Variants in CRY1 observed in about 807,000 individuals in gnomAD.
The protein encoded by CRY1 is cryptochrome-1.
Under a neutral mutation model 76.0 loss-of-function variants are expected in CRY1, and 45 were observed. The ratio of observed to expected loss-of-function variants is 0.59; its 90% CI spans 0.47 to 0.76. The LOEUF (loss-of-function observed/expected upper bound fraction) is 0.76. Among genes scored for constraint, CRY1 ranks in the 30% least tolerant of loss-of-function variants. The probability of loss-of-function intolerance (pLI) is 0.00; values close to 1 mark genes in which losing one functional copy is unlikely to be tolerated. For missense variants in CRY1, 587 were observed against 716.4 expected, an observed-to-expected ratio of 0.82 and a Z score of 2.06; for synonymous variants, 248 against 244.0, an observed-to-expected ratio of 1.02 and a Z score of -0.15.
chr12:107,054,319 T>C (rs1389317862), intron 1 of CRY1, among the ~76,000 whole-genome samples: 1 of 151,956 alleles, frequency 6.6e-6, no homozygotes, highest in Non-Finnish European at 1.5e-5. Context: ...TGGTAATTTC[T>C]AGAGTAAACA....
At chr12:107,078,025 G>A (rs899841696) in intron 1 of CRY1, among the ~76,000 whole-genome samples, 18 of 152,152 alleles carry the variant, frequency 1.2e-4, no homozygotes, top group African/African-American at 4.3e-4. Context: ...GTAATTCATT[G>A]ATTAAGGAAG....
chr12:107,051,683 C>T (rs920223702), intron 1 of CRY1, among the ~76,000 whole-genome samples: 1 of 152,090 alleles, frequency 6.6e-6, no homozygotes, highest in Non-Finnish European at 1.5e-5. Flanking sequence ...CACTTTGTGA[C>T]AGCAGCATAA....
Position 106,999,624 on chromosome 12 carries a change from T to C in CRY1, c.1064A>G (p.His355Arg), listed in dbSNP as rs1360797329. 10 of 1,614,252 alleles carry C rather than the reference T, an allele frequency of 6.2e-6. No individual in the cohort carries two copies. Among genetic ancestry groups the C allele is most frequent in the Non-Finnish European group, 8.5e-6 (10 of 1,180,048 alleles). Residue 355 changes from histidine (H) to arginine (R), a missense_variant, in exon 7 of 13, where the codon CAT (histidine) becomes CGT (arginine). By Grantham distance (29) the His-to-Arg change is conservative (BLOSUM62 0). Transcript: ENST00000008527. Reference sequence around the variant, plus strand: ...GCAAGCAACTGCATGCCTGGCTAGATGATGAATCCAACCCTCCTGACGAAG... The same window carrying C: ...GCAAGCAACTGCATGCCTGGCTAGACGATGAATCCAACCCTCCTGACGAAG... ...TQLRQEGWIH[H>R]LARHAVACFL...
intron 1 of CRY1, among the ~76,000 whole-genome samples, chr12:107,080,254 G>A (rs1352283514): frequency 6.6e-6 from 1 of 152,050 alleles, no homozygotes; most frequent in East Asian, 1.9e-4. Flanking sequence ...TTGTTTTTGT[G>A]CAATAGAGAA....
chr12:106,994,654 C>T (rs1952213813), intron 10 of CRY1, among the ~76,000 whole-genome samples: 2 of 152,224 alleles, frequency 1.3e-5, no homozygotes, highest in South Asian at 4.1e-4. Context: ...ATTTAACCTG[C>T]TACTATGATT....
In CRY1 at chr12:107,036,585, GTT is replaced by G. The variant is rs61321189; in HGVS notation, c.159-14395_159-14394del. Among the ~76,000 whole-genome samples, 47 of 139,030 alleles carry G rather than the reference GTT, an allele frequency of 3.4e-4. 1 individual carries two copies. The highest frequency in any genetic ancestry group is 3.7e-3 in the Middle Eastern group (1 of 268). The allele number at this position is 139,030 out of a possible 152,430, so 91.2% of individuals were successfully genotyped here. On this transcript the variant is annotated intron_variant, in intron 1 of 12. Coordinates refer to ENST00000008527, the MANE Select transcript of CRY1 (RefSeq NM_004075.5). ...CTTCCCAGTCCATTTAAAGTTGGTG[GTT>G]TTTTTTTTTTTTTAAGTCCTTAAAA... is the stretch of plus-strand genomic sequence containing the variant.
intron 1 of CRY1, among the ~76,000 whole-genome samples, chr12:107,084,100 A>T (rs1026687252): frequency 2.6e-5 from 4 of 152,210 alleles, no homozygotes; most frequent in Middle Eastern, 3.2e-3. Context: ...AGAAAATAAA[A>T]TACCTAGGAA....
At chr12:107,072,780 T>C (rs1222998234) in intron 1 of CRY1, among the ~76,000 whole-genome samples, 1 of 152,208 alleles carries the variant, frequency 6.6e-6, no homozygotes, top group Non-Finnish European at 1.5e-5. Flanking sequence ...CTTATCTTCT[T>C]ATGGGTGATA....
At chr12:107,024,121 G>A (rs2136847742) in intron 1 of CRY1, among the ~76,000 whole-genome samples, 1 of 152,182 alleles carries the variant, frequency 6.6e-6, no homozygotes, top group South Asian at 2.1e-4. Flanking sequence ...TCCTGGAGGG[G>A]GTAATCTAAG....
chr12:107,047,591 C>T (rs1182454627), intron 1 of CRY1, among the ~76,000 whole-genome samples: 1 of 152,130 alleles, frequency 6.6e-6, no homozygotes, highest in Non-Finnish European at 1.5e-5. Context: ...TTATAAGAAG[C>T]TTCCCCCTTT....
intron 1 of CRY1, among the ~76,000 whole-genome samples, chr12:107,074,612 C>T (rs184251004): frequency 6.6e-6 from 1 of 152,198 alleles, no homozygotes; most frequent in African/African-American, 2.4e-5. Context: ...TTTCAAAAAC[C>T]TATCGTTATA....
In CRY1 at chr12:107,031,338, C is replaced by A. The variant is rs536181566; in HGVS notation, c.159-9146G>T. Among the ~76,000 whole-genome samples the A allele has an allele frequency of 1.1e-4, 17 of 151,296 alleles. No homozygotes were observed. The East Asian group carries it at 3.3e-3, about 29-fold the overall frequency. Reference sequence around the variant, plus strand: ...TAATAGATTCAATATAAAGCCTGGGCTTCCAAAAGCTTTAGTAAATAAGAC... The same window carrying A: ...TAATAGATTCAATATAAAGCCTGGGATTCCAAAAGCTTTAGTAAATAAGAC... On this transcript the variant is annotated intron_variant, in intron 1 of 12. Coordinates refer to ENST00000008527, the MANE Select transcript of CRY1 (RefSeq NM_004075.5).
intron 1 of CRY1, among the ~76,000 whole-genome samples, chr12:107,034,227 G>A (rs1403753612): frequency 6.6e-6 from 1 of 152,058 alleles, no homozygotes; most frequent in African/African-American, 2.4e-5. Flanking sequence ...GCATTAGCAA[G>A]TTAAGACACC....
chr12:107,073,556 G>C (rs1462762250), intron 1 of CRY1, among the ~76,000 whole-genome samples: 1 of 152,010 alleles, frequency 6.6e-6, no homozygotes, highest in Non-Finnish European at 1.5e-5. Flanking sequence ...GTAAAATCCT[G>C]TATCTACTAA....
chr12:107,027,875 T>C (rs1297128786), intron 1 of CRY1, among the ~76,000 whole-genome samples: 1 of 152,106 alleles, frequency 6.6e-6, no homozygotes, highest in Non-Finnish European at 1.5e-5. Context: ...AAAAAGGCAA[T>C]GGTAAGATAC....
chr12:106,998,372 G>T (rs1952257186), intron 7 of CRY1, among the ~76,000 whole-genome samples: 1 of 152,088 alleles, frequency 6.6e-6, no homozygotes, highest in South Asian at 2.1e-4. Context: ...GATTTAAAAG[G>T]ATATTATTAG....
intron 1 of CRY1, among the ~76,000 whole-genome samples, chr12:107,042,765 C>T (rs934928925): frequency 3.3e-5 from 5 of 152,066 alleles, no homozygotes; most frequent in African/African-American, 1.2e-4. Flanking sequence ...CTTAGGATGG[C>T]CACACGGAGA....
intron 1 of CRY1, among the ~76,000 whole-genome samples, chr12:107,066,437 A>G (rs1201524736): frequency 6.6e-6 from 1 of 151,980 alleles, no homozygotes; most frequent in Non-Finnish European, 1.5e-5. Context: ...GGTTATTTCT[A>G]GATGGTAGAT....
chr12:107,000,010 G>C lies in CRY1; in HGVS notation c.757C>G (p.Pro253Ala), dbSNP rs765396424. 8.7e-6 allele frequency: 14 copies of C among 1,613,142 alleles called. No homozygotes were observed. In the African/African-American group the frequency reaches 1.9e-4, roughly 22 times the overall value. ...SLLASPTGLSPYLRFGCLSCR... is the reference protein window; with the variant it reads ...SLLASPTGLSAYLRFGCLSCR... The stretch of plus-strand genomic sequence containing the variant: ...GACAAACAACCAAATCGGAGATAAG[G>C]ACTAAGTCCAGTAGGGCTTGCAAGC... The change falls in exon 6 of 13, where the codon CCT (proline) becomes GCT (alanine). Residue 253 changes from proline (P) to alanine (A), a missense_variant. By Grantham distance (27) the Pro-to-Ala change is conservative. Transcript: ENST00000008527.
Sources: allele counts gnomAD v4.1 joint callset (sites outside exome capture counted in the v4.1 genomes callset), GRCh38; gene constraint gnomAD v4.1.1; transcripts MANE v1.5; gene names NCBI Gene and HGNC (gene_info 2026-07-23, HGNC 2026-07-21).